Variants in MNAT1 observed in about 807,000 individuals in gnomAD.
The protein encoded by MNAT1 is CDK-activating kinase assembly factor MAT1.
In MNAT1, 43 loss-of-function variants were observed where a neutral mutation model predicts 42.0. The observed-to-expected ratio is 1.02, with a 90% CI of 0.80 to 1.32. The LOEUF is 1.32. Among genes scored for constraint, MNAT1 ranks in the 40% most tolerant of loss-of-function variants. The pLI is 0.00. For synonymous variants in MNAT1, 118 were observed against 120.0 expected (o/e 0.98, Z 0.11); for missense variants, 306 against 350.4 (o/e 0.87, Z 1.01).
At chr14:60,959,352 G>T (rs996520590) in intron 7 of MNAT1, among the ~76,000 whole-genome samples, 2 of 152,154 alleles carry the variant, frequency 1.3e-5, no homozygotes, top group Admixed American at 1.3e-4. Flanking sequence ...GGATAATAAT[G>T]ATTTCTGCTT....
chr14:60,826,401 C>T (rs1251008909), intron 6 of MNAT1, among the ~76,000 whole-genome samples: 1 of 146,714 alleles, frequency 6.8e-6, no homozygotes, highest in African/African-American at 2.5e-5. Context: ...ACTGCCACCT[C>T]TGCCTCCTGG....
At position 60,900,790 on chromosome 14, in the gene MNAT1, T is replaced by C. The variant is rs150324669; in HGVS notation, c.809+20955T>C. On this transcript the variant is annotated intron_variant, in intron 7 of 7. Transcript: ENST00000261245. ...ATTTTGGGAGGCTGAGGCAGGCAGATAGCTTGAGCCCAAGAGTTCGAGAGC... is the reference window on the plus strand; with the variant it reads ...ATTTTGGGAGGCTGAGGCAGGCAGACAGCTTGAGCCCAAGAGTTCGAGAGC... Among the ~76,000 whole-genome samples, 1,269 of 151,968 alleles carry C rather than the reference T, an allele frequency of 8.4e-3. 6 individuals carry two copies. The highest frequency in any genetic ancestry group is 0.012 in the Non-Finnish European group (847 of 67,940).
intron 6 of MNAT1, among the ~76,000 whole-genome samples, chr14:60,839,999 G>T (rs931051793): frequency 5.3e-5 from 8 of 152,244 alleles, no homozygotes; most frequent in Non-Finnish European, 1.2e-4. Flanking sequence ...AAGAAAACTT[G>T]CACAAAAGGT....
At chr14:60,922,406 A>G (rs1415034032) in intron 7 of MNAT1, among the ~76,000 whole-genome samples, 1 of 152,152 alleles carries the variant, frequency 6.6e-6, no homozygotes, top group Non-Finnish European at 1.5e-5. Flanking sequence ...TAACATTTTT[A>G]TTCGGTTAAA....
chr14:60,888,333 A>G (rs912624393), intron 7 of MNAT1, among the ~76,000 whole-genome samples: 3 of 152,082 alleles, frequency 2.0e-5, no homozygotes, highest in African/African-American at 4.8e-5. Context: ...TATTAACAGA[A>G]CCAAAGACAA....
intron 6 of MNAT1, among the ~76,000 whole-genome samples, chr14:60,857,345 T>C (rs887490871): frequency 6.6e-6 from 1 of 152,170 alleles, no homozygotes; most frequent in African/African-American, 2.4e-5. Flanking sequence ...ACTGCAGATG[T>C]GGTAGAAACA....
At chr14:60,901,703 C>CA (rs1469610238) in intron 7 of MNAT1, among the ~76,000 whole-genome samples, 3 of 152,082 alleles carry the variant, frequency 2.0e-5, no homozygotes, top group Admixed American at 6.5e-5. Flanking sequence ...GAAGTAACCG[C>CA]AAATGGGGTG....
intron 6 of MNAT1, among the ~76,000 whole-genome samples, chr14:60,832,607 A>G (rs1265939158): frequency 2.0e-5 from 3 of 151,998 alleles, no homozygotes; most frequent in South Asian, 2.1e-4. Flanking sequence ...GAAGTCAGGT[A>G]GCATGATGGC....
chr14:60,934,081 AAG>A (rs1318416821), intron 7 of MNAT1, among the ~76,000 whole-genome samples: 1 of 151,996 alleles, frequency 6.6e-6, no homozygotes. Flanking sequence ...GCTGCTTAGA[AAG>A]AGAGTTTATT....
Position 60,809,776 on chromosome 14 carries a change from T to G in MNAT1, c.420+1348T>G, listed in dbSNP as rs184840077. On this transcript the variant is annotated intron_variant, in intron 4 of 7. Transcript: ENST00000261245. ...AGTTTATAAGTATTTTGTTGAGAAT[T>G]TTTGCATTTTTGTTCATCAGGGATA... is the stretch of plus-strand genomic sequence containing the variant. Among the ~76,000 whole-genome samples the G allele has an allele frequency of 6.3e-3, 963 of 152,214 alleles. 13 individuals are homozygous for G. Among genetic ancestry groups the G allele is most frequent in the South Asian group, 0.034 (163 of 4,806 alleles).
intron 7 of MNAT1, among the ~76,000 whole-genome samples, chr14:60,909,637 T>TA (rs1246703307): frequency 1.8e-3 from 269 of 152,204 alleles, no homozygotes; most frequent in African/African-American, 6.3e-3. Context: ...TAGTTGTAGA[T>TA]ATGTGGCATT....
intron 1 of MNAT1, among the ~76,000 whole-genome samples, chr14:60,789,321 A>G (rs1301780792): frequency 6.6e-6 from 1 of 152,192 alleles, no homozygotes; most frequent in Non-Finnish European, 1.5e-5. Flanking sequence ...GTAACACCAA[A>G]GATCACTGAT....
At chr14:60,941,643 C>T (rs559611864) in intron 7 of MNAT1, among the ~76,000 whole-genome samples, 22 of 151,706 alleles carry the variant, frequency 1.5e-4, no homozygotes, top group African/African-American at 5.3e-4. Context: ...GAGTTCAAGG[C>T]TGGTGCTAAG....
At chr14:60,932,801 A>G (rs1395782869) in intron 7 of MNAT1, among the ~76,000 whole-genome samples, 1 of 152,036 alleles carries the variant, frequency 6.6e-6, no homozygotes, top group Non-Finnish European at 1.5e-5. Context: ...ATTTCTGAAT[A>G]GCTAAATATC....
chr14:60,821,592 T>C (rs1034733806), intron 6 of MNAT1, among the ~76,000 whole-genome samples: 5 of 152,232 alleles, frequency 3.3e-5, no homozygotes, highest in African/African-American at 7.2e-5. Context: ...ACTTTACTTA[T>C]AATTTATGCA....
At chr14:60,875,622 A>C (rs918758751) in intron 6 of MNAT1, among the ~76,000 whole-genome samples, 3 of 152,152 alleles carry the variant, frequency 2.0e-5, no homozygotes, top group African/African-American at 7.2e-5. Flanking sequence ...CCTTTAGCAT[A>C]GTGCCTAGCA....
chr14:60,875,477 C>T (rs1216884088), intron 6 of MNAT1, among the ~76,000 whole-genome samples: 1 of 152,088 alleles, frequency 6.6e-6, no homozygotes, highest in African/African-American at 2.4e-5. Flanking sequence ...TATGATCTTG[C>T]TCAGTCACAA....
rs1566546892 is a variant in MNAT1 at position 60,904,994 on chromosome 14, G to GTTTTTT, written c.809+25159_809+25160insTTTTTT. On this transcript the variant is annotated intron_variant, in intron 7 of 7. Transcript: ENST00000261245. ...GCAGTTCCTTTTTTTTTTTTTTTTT[G>GTTTTTT]GACGGAGTCTCGCTCTGTTGCCCAG... 5.9e-5 allele frequency among the ~76,000 whole-genome samples: 7 copies of GTTTTTT among 118,660 alleles called. 1 individual carries two copies. The highest frequency in any genetic ancestry group is 2.2e-4 in the African/African-American group (7 of 31,872). The allele number at this position is 118,660 out of a possible 152,430, so 77.8% of individuals were successfully genotyped here.
chr14:60,956,525 A>C (rs2036490318), intron 7 of MNAT1, among the ~76,000 whole-genome samples: 1 of 152,176 alleles, frequency 6.6e-6, no homozygotes, highest in Admixed American at 6.5e-5. Context: ...ATTTTGTCTG[A>C]AGTGTAATTC....
Sources: gnomAD v4.1 joint callset for allele counts (sites outside exome capture counted in the v4.1 genomes callset) on GRCh38, gnomAD v4.1.1 for gene constraint, MANE v1.5 for transcripts, NCBI Gene and HGNC (gene_info 2026-07-23, HGNC 2026-07-21) for gene names.